UNC45A: variants seen among roughly 807,000 people sequenced by gnomAD.
UNC45A encodes the protein protein unc-45 homolog A.
UNC45A carries 78 observed loss-of-function variants against 103.2 expected under a neutral mutation model. That is an observed-to-expected ratio of 0.76 (90% CI 0.63 to 0.91). The LOEUF (loss-of-function observed/expected upper bound fraction) is 0.91, where lower values mean the gene tolerates loss of function less well. UNC45A is among the 40% of genes least tolerant of loss of function. The pLI is 0.00. For synonymous variants in UNC45A, 495 were observed against 504.6 expected (o/e 0.98, Z 0.25); for missense variants, 1,193 against 1,224.8 (o/e 0.97, Z 0.39).
chr15:90,942,607 T>G lies in UNC45A; in HGVS notation c.856+2T>G. ...GCAAAGAAGGTGCCATCATTGTGGG[T>G]GAGTGGAAGCAGGTCTGGGGTCTTT... On this transcript the variant is annotated splice_donor_variant, in intron 7 of 19. Coordinates refer to ENST00000418476, the MANE Select transcript of UNC45A (RefSeq NM_018671.5). LOFTEE classifies it high-confidence loss of function. 6.2e-7 allele frequency: 1 copy of G among 1,613,982 alleles called. No homozygotes were observed. Among genetic ancestry groups the G allele is most frequent in the East Asian group, 2.2e-5 (1 of 44,876 alleles).
At chr15:90,949,052 A>G (rs1342219977) in intron 13 of UNC45A, among the ~76,000 whole-genome samples, 1 of 151,174 alleles carries the variant, frequency 6.6e-6, no homozygotes, top group Non-Finnish European at 1.5e-5. Context: ...AATTTTTTGT[A>G]TTTTTAGTGG....
At chr15:90,946,417 G>C (rs1464419644) in intron 9 of UNC45A, among the ~76,000 whole-genome samples, 197 bp from the exon 10 acceptor site, 5 of 152,208 alleles carry the variant, frequency 3.3e-5, no homozygotes, top group Non-Finnish European at 5.9e-5. Flanking sequence ...TACTATGTCA[G>C]GGAAGGCTTG....
rs537813320 is a variant in UNC45A at position 90,944,975 on chromosome 15, G to A, written c.1111G>A (p.Ala371Thr). Residue 371 changes from alanine to threonine, a missense_variant, in exon 9 of 20, where the codon GCC becomes ACC. Ala to Thr is a moderately conservative substitution (Grantham distance 58). Coordinates refer to ENST00000418476, the MANE Select transcript of UNC45A (RefSeq NM_018671.5). ...LAVTANSRMS[A>T]SILLSKLFDD... ...AGTGACCGCAAACAGCCGCATGAGC[G>A]CCTCTATTCTCCTCAGCAAGCTCTT... 7.5e-5 allele frequency: 121 copies of A among 1,612,908 alleles called. 2 individuals are homozygous for A. The highest frequency in any genetic ancestry group is 7.0e-4 in the South Asian group (64 of 91,028).
At chr15:90,948,450 T>TTAA in intron 12 of UNC45A, 167 bp downstream of exon 12, 1 of 1,267,672 alleles carries the variant, frequency 7.9e-7, no homozygotes, top group East Asian at 2.5e-5. Flanking sequence ...GCACCAGTGG[T>TTAA]GTTAGCAAGG....
In UNC45A at chr15:90,940,402, A is replaced by G. The variant is rs757283156; in HGVS notation, c.616A>G (p.Met206Val). ...GVQLLQRLLDMGETDLMLAAL... is the reference protein window; with the variant it reads ...GVQLLQRLLDVGETDLMLAAL... The stretch of plus-strand genomic sequence containing the variant: ...TCAGCTCTTGCAACGTTTACTGGAC[A>G]TGGGAGAGACTGACCTCATGCTGGC... Residue 206 changes from methionine (M) to valine (V), a missense_variant, in exon 6 of 20, where the codon ATG becomes GTG. Coordinates refer to ENST00000418476, the MANE Select transcript of UNC45A (RefSeq NM_018671.5). 5.6e-6 allele frequency: 9 copies of G among 1,614,062 alleles called. No homozygotes were observed. The highest frequency in any genetic ancestry group is 1.3e-5 in the African/African-American group (1 of 74,928).
At chr15:90,942,324 G>A (rs2036333072) in intron 6 of UNC45A, 113 bp from the exon 7 acceptor site, 1 of 1,277,054 alleles carries the variant, frequency 7.8e-7, no homozygotes, top group Non-Finnish European at 1.1e-6. Context: ...CTGGAGCTGG[G>A]CCTTCCACCC....
intron 8 of UNC45A, among the ~76,000 whole-genome samples, chr15:90,944,533 C>G (rs1483219200): frequency 6.6e-6 from 1 of 151,826 alleles, no homozygotes; most frequent in African/African-American, 2.4e-5. Context: ...CGAGGTGTGT[C>G]TATTGTGTTC....
chr15:90,931,409 C>A (rs111567876), upstream of UNC45A: 825 of 1,590,390 alleles, frequency 5.2e-4, 3 homozygotes, highest in African/African-American at 9.7e-3. Flanking sequence ...GACCATCCTG[C>A]ATAAGAGTCG....
At position 90,953,062 on chromosome 15, in the gene UNC45A, G is replaced by A. The variant is rs757348391; in HGVS notation, c.2421+16G>A. 1.2e-6 allele frequency: 2 copies of A among 1,613,496 alleles called. No homozygotes were observed. The highest frequency in any genetic ancestry group is 1.7e-5 in the Admixed American group (1 of 60,014). On this transcript the variant is annotated intron_variant, in intron 18 of 19. Coordinates refer to ENST00000418476, the MANE Select transcript of UNC45A (RefSeq NM_018671.5). ...GAGCAAGGAGGTGAGGGTTGGTCTG[G>A]GTGCTCATGACAGGCGGGGATGCAG... is the stretch of plus-strand genomic sequence containing the variant.
rs545215877 is a variant in UNC45A, at chr15:90,953,643, C to A, written c.2762C>A (p.Thr921Lys). The A allele has an allele frequency of 1.2e-6, 2 of 1,614,164 alleles. No individual in the cohort carries two copies. The highest frequency in any genetic ancestry group is 1.6e-4 in the Middle Eastern group (1 of 6,062). The change falls in exon 20 of 20, where the codon ACA becomes AAA. Residue 921 changes from threonine to lysine, a missense_variant. Transcript: ENST00000418476. Reference protein sequence around the residue: ...VLAKGDHSPVTRAAAACLDKA... With the variant: ...VLAKGDHSPVKRAAAACLDKA... ...GCTAAGGGTGACCACAGCCCTGTCA[C>A]AAGGGCTGCTGCAGCCTGCCTGGAC...
upstream of UNC45A, chr15:90,931,874 G>A: frequency 2.5e-6 from 4 of 1,614,066 alleles, no homozygotes; most frequent in Non-Finnish European, 3.4e-6. Context: ...CCGCACTTGT[G>A]CCCCAAAGTG....
chr15:90,948,318 ACT>A (rs770615846), intron 12 of UNC45A, 35 bp downstream of exon 12: 1 of 1,610,232 alleles, frequency 6.2e-7, no homozygotes, highest in African/African-American at 1.3e-5. Flanking sequence ...GCCTGGGGAC[ACT>A]GTCTAGGATT....
At chr15:90,950,454 T>C in intron 16 of UNC45A, 46 bp from the exon 17 acceptor site, 1 of 1,598,154 alleles carries the variant, frequency 6.3e-7, no homozygotes, top group Non-Finnish European at 8.6e-7. Flanking sequence ...GTGGGGCTTG[T>C]GGGGGCTGCG....
At chr15:90,933,980 C>T (rs915043957), upstream of UNC45A, 6 of 398,886 alleles carry the variant, frequency 1.5e-5, no homozygotes, top group Non-Finnish European at 2.7e-5. Flanking sequence ...TCTGCAGTCA[C>T]GGCCTAGAAA....
chr15:90,930,912 A>C (rs766234266), upstream of UNC45A: 8 of 233,722 alleles, frequency 3.4e-5, no homozygotes, highest in Non-Finnish European at 6.9e-5. Context: ...AAGGAGCAGC[A>C]GCAGCTTAAA....
At chr15:90,934,758 C>T, upstream of UNC45A, 1 of 399,500 alleles carries the variant, frequency 2.5e-6, no homozygotes, top group East Asian at 3.6e-5. Context: ...CATCCTGAAT[C>T]TGCCCATGGG....
At chr15:90,933,219 G>C (rs893483771), upstream of UNC45A, 14 of 152,284 alleles carry the variant, frequency 9.2e-5, no homozygotes, top group African/African-American at 3.4e-4. Flanking sequence ...GATGAAATTT[G>C]CCTTGTCTTC....
chr15:90,948,381 C>A lies in UNC45A; in HGVS notation c.1737+98C>A, dbSNP rs1024268810. ...GGCTTGGCCAATGGGGTCTTTTGAC[C>A]CCAGGGAAGAGGGCTGGTGGCTGAG... On this transcript the variant is annotated intron_variant, in intron 12 of 19. Transcript: ENST00000418476. The A allele has an allele frequency of 1.3e-5, 20 of 1,543,924 alleles. No homozygotes were observed. In the African/African-American group the frequency reaches 2.4e-4, roughly 19 times the overall value.
At chr15:90,950,395 C>G in intron 16 of UNC45A, 105 bp from the exon 17 acceptor site, 1 of 1,464,130 alleles carries the variant, frequency 6.8e-7, no homozygotes, top group Non-Finnish European at 9.3e-7. Flanking sequence ...GGGAGGACAG[C>G]CTGAGACAGC....
Sources: allele counts gnomAD v4.1 joint callset (sites outside exome capture counted in the v4.1 genomes callset), GRCh38; gene constraint gnomAD v4.1.1; transcripts MANE v1.5; gene names NCBI Gene and HGNC (gene_info 2026-07-23, HGNC 2026-07-21).